TSNARE1: variants seen among roughly 807,000 people sequenced by gnomAD.
The protein encoded by TSNARE1 is t-SNARE domain-containing protein 1.
Under a neutral mutation model 62.0 loss-of-function variants are expected in TSNARE1, and 49 were observed. The observed-to-expected ratio is 0.79, with a 90% CI of 0.63 to 1.00. The LOEUF is 1.00. Among genes scored for constraint, TSNARE1 ranks in the 50% least tolerant of loss-of-function variants. TSNARE1 has a pLI of 0.00. For synonymous variants in TSNARE1, 328 were observed against 294.4 expected (o/e 1.11, Z -1.17); for missense variants, 755 against 700.1 (o/e 1.08, Z -0.88).
chr8:142,383,234 G>A (rs1032938286), intron 1 of TSNARE1, among the ~76,000 whole-genome samples: 1 of 152,196 alleles, frequency 6.6e-6, no homozygotes, highest in Non-Finnish European at 1.5e-5. Context: ...AACAACCCAG[G>A]GTCAGGCTGG....
In TSNARE1 at chr8:142,344,270, C is replaced by G. The variant is rs142040601; in HGVS notation, c.441G>C (p.Leu147=). ...CGGCCTTCAGCAGCCCCGTGCCAAA[C>G]AGCAGCTGGTGGTGCTTGCTCACCT... is the stretch of plus-strand genomic sequence containing the variant. The part of the protein sequence containing the change: ...VSKVSKHHQL[L]FGTGLLKAEP... Residue 147 remains leucine, a synonymous_variant, in exon 4 of 14, where the codon CTG becomes CTC. Transcript: ENST00000524325. The G allele has an allele frequency of 6.2e-7, 1 of 1,606,880 alleles. No homozygotes were observed. The highest frequency in any genetic ancestry group is 8.5e-7 in the Non-Finnish European group (1 of 1,174,848).
Position 142,330,788 on chromosome 8 carries a change from G to T in TSNARE1, c.893+113C>A, listed in dbSNP as rs1830912802. The T allele has an allele frequency of 1.6e-5, 17 of 1,050,648 alleles. No homozygotes were observed. In the South Asian group the frequency reaches 2.3e-4, roughly 14 times the overall value. 65.1% of individuals were successfully genotyped at this position (1,050,648 alleles called of 1,614,324 possible). A position where few individuals can be genotyped will look rare whatever the true frequency, so the allele number is the denominator to read the frequency against. ...CGCACATGTGTGTCCAGGCAGCTGT[G>T]CGCAAGCAGCTGTGTGGACAAAGCC... On this transcript the variant is annotated intron_variant, in intron 6 of 13. Coordinates refer to ENST00000524325, the MANE Select transcript of TSNARE1 (RefSeq NM_145003.5).
intron 13 of TSNARE1, among the ~76,000 whole-genome samples, chr8:142,224,937 G>A (rs1214654337): frequency 6.6e-6 from 1 of 152,142 alleles, no homozygotes; most frequent in African/African-American, 2.4e-5. Context: ...GCAGAGGAGT[G>A]AAGGCGGGGC....
chr8:142,402,719 C>T (rs961035312), intron 1 of TSNARE1: 2 of 152,462 alleles, frequency 1.3e-5, no homozygotes, highest in Admixed American at 6.5e-5. Context: ...CAAGTAGGCG[C>T]TGGGGCGCTC....
intron 11 of TSNARE1, chr8:142,277,967 C>T: frequency 1.0e-6 from 1 of 985,438 alleles, no homozygotes; most frequent in Middle Eastern, 5.2e-4. Context: ...ACCAGGTCTG[C>T]CTCTGCCCAT....
intron 2 of TSNARE1, among the ~76,000 whole-genome samples, chr8:142,347,976 C>T (rs1833600109): frequency 2.0e-5 from 3 of 152,346 alleles, no homozygotes; most frequent in South Asian, 2.1e-4. Context: ...CCACGCCCCT[C>T]GAGGGGCCAG....
intron 10 of TSNARE1, among the ~76,000 whole-genome samples, chr8:142,293,905 C>T (rs1198689380): frequency 6.6e-6 from 1 of 152,202 alleles, no homozygotes; most frequent in Non-Finnish European, 1.5e-5. Context: ...CTGGCCCAGC[C>T]TTGGCACTAA....
intron 13 of TSNARE1, among the ~76,000 whole-genome samples, chr8:142,216,316 G>A (rs1328931570): frequency 6.6e-6 from 1 of 152,184 alleles, no homozygotes; most frequent in Non-Finnish European, 1.5e-5. Flanking sequence ...CGCTGGTGCA[G>A]TGCAGAGAGG....
At chr8:142,239,888 C>G (rs1817603864) in intron 12 of TSNARE1, among the ~76,000 whole-genome samples, 1 of 152,204 alleles carries the variant, frequency 6.6e-6, no homozygotes, top group Non-Finnish European at 1.5e-5. Flanking sequence ...ATTTCTGCGA[C>G]TGTTATGTAC....
intron 12 of TSNARE1, among the ~76,000 whole-genome samples, chr8:142,230,279 C>T (rs1018862714): frequency 1.8e-4 from 27 of 152,092 alleles, no homozygotes; most frequent in Admixed American, 3.9e-4. Context: ...CAGAGAAAAA[C>T]GGGAGCTTAA....
intron 4 of TSNARE1, among the ~76,000 whole-genome samples, chr8:142,338,291 G>A (rs897417595): frequency 3.3e-5 from 5 of 152,186 alleles, no homozygotes; most frequent in Non-Finnish European, 5.9e-5. Flanking sequence ...ATGAACACTC[G>A]GCCGTGTGTG....
intron 11 of TSNARE1, chr8:142,278,745 C>A: frequency 3.0e-6 from 3 of 985,408 alleles, no homozygotes; most frequent in Non-Finnish European, 3.6e-6. Flanking sequence ...GAAGGGGGCA[C>A]AGCGTGCCTG....
chr8:142,326,521 C>T (rs1320221340), intron 6 of TSNARE1, among the ~76,000 whole-genome samples: 3 of 134,038 alleles, frequency 2.2e-5, no homozygotes, highest in Non-Finnish European at 4.8e-5. Context: ...GGGAGGGCCC[C>T]GGAGAGCACG....
chr8:142,333,799 G>A (rs970571144), intron 4 of TSNARE1, among the ~76,000 whole-genome samples: 1 of 152,208 alleles, frequency 6.6e-6, no homozygotes, highest in Non-Finnish European at 1.5e-5. Flanking sequence ...CGGTCCAGCA[G>A]CCGCACTCAT....
At chr8:142,271,641 G>T in intron 12 of TSNARE1, 1 of 1,409,098 alleles carries the variant, frequency 7.1e-7, no homozygotes, top group South Asian at 1.5e-5. Context: ...GGCCCTTCCA[G>T]GGACCTCAGG....
intron 1 of TSNARE1, among the ~76,000 whole-genome samples, chr8:142,399,832 G>T (rs68095309): frequency 6.6e-6 from 1 of 152,024 alleles, no homozygotes; most frequent in African/African-American, 2.4e-5. Flanking sequence ...CAAGGTCAAA[G>T]TCTACTTGTA....
At chr8:142,276,857 A>C in intron 11 of TSNARE1, 1 of 985,394 alleles carries the variant, frequency 1.0e-6, no homozygotes, top group Non-Finnish European at 1.2e-6. Context: ...CACTGCCCAC[A>C]TTCAAGACAC....
At chr8:142,289,842 G>A (rs185289179) in intron 10 of TSNARE1, among the ~76,000 whole-genome samples, 1 of 152,376 alleles carries the variant, frequency 6.6e-6, no homozygotes, top group Admixed American at 6.5e-5. Context: ...AACATACCCT[G>A]CGGCTGCGAG....
At chr8:142,260,570 G>A (rs568823068) in intron 12 of TSNARE1, among the ~76,000 whole-genome samples, 2 of 152,252 alleles carry the variant, frequency 1.3e-5, no homozygotes, top group South Asian at 2.1e-4. Context: ...GCCACCATCT[G>A]ACCCAGCCTC....
Sources: gnomAD v4.1 joint callset for allele counts (sites outside exome capture counted in the v4.1 genomes callset) on GRCh38, gnomAD v4.1.1 for gene constraint, MANE v1.5 for transcripts, NCBI Gene and HGNC (gene_info 2026-07-23, HGNC 2026-07-21) for gene names.